RGS5: variants seen among roughly 807,000 people sequenced by gnomAD.
RGS5 encodes regulator of G protein signaling 5, also known as regulator of G-protein signalling 5.
In RGS5, 20 loss-of-function variants were observed where a neutral mutation model predicts 18.9. The ratio of observed to expected loss-of-function variants is 1.06; its 90% confidence interval spans 0.74 to 1.54. The LOEUF (loss-of-function observed/expected upper bound fraction) is 1.54. Among genes scored for constraint, RGS5 ranks in the 40% most tolerant of loss-of-function variants. RGS5 has a pLI of 0.00. For missense variants in RGS5, 201 were observed against 211.8 expected, an observed-to-expected ratio of 0.95 and a Z score of 0.32; for synonymous variants, 57 against 76.2, an observed-to-expected ratio of 0.75 and a Z score of 1.31.
intron 3 of RGS5, among the ~76,000 whole-genome samples, chr1:163,158,781 T>A (rs1657686129): frequency 6.6e-6 from 1 of 152,170 alleles, no homozygotes; most frequent in African/African-American, 2.4e-5. Flanking sequence ...TTGTCATTGA[T>A]AACATCTTAT....
Position 163,143,945 on chromosome 1 carries a change from T to C in RGS5, c.*3397A>G, listed in dbSNP as rs986885226. ...AGCTCCATCCTATTGAAATGGCTTG[T>C]GTACAGAGCACACATCAACCAAATA... On this transcript the variant is annotated 3_prime_UTR_variant, in exon 5 of 5. Transcript: ENST00000313961. The C allele has an allele frequency of 1.3e-5, 2 of 152,120 alleles. No homozygotes were observed. The highest frequency in any genetic ancestry group is 4.8e-5 in the African/African-American group (2 of 41,430). The allele number at this position is 152,120 out of a possible 1,614,324, so 9.4% of individuals were successfully genotyped here. A position where few individuals can be genotyped will look rare whatever the true frequency, so the allele number is the denominator to read the frequency against.
chr1:163,188,385 C>T (rs12143973), intron 1 of RGS5, among the ~76,000 whole-genome samples: 30,871 of 152,028 alleles, frequency 0.2, 3,463 homozygotes, highest in African/African-American at 0.3. Flanking sequence ...GGAAAAATTA[C>T]GCAGAACAAC....
chr1:163,212,956 TTTC>T (rs1271904581), intron 1 of RGS5: 2 of 152,208 alleles, frequency 1.3e-5, no homozygotes, highest in Admixed American at 1.3e-4. Context: ...TCCCTATCTT[TTTC>T]TTCTTCTCTT....
intron 2 of RGS5, among the ~76,000 whole-genome samples, chr1:163,281,596 C>T (rs1648993096): frequency 2.0e-5 from 3 of 152,154 alleles, no homozygotes; most frequent in Admixed American, 2.0e-4. Flanking sequence ...GTCAACACCT[C>T]CCACTAGATC....
At chr1:163,180,686 G>GTTTCTTTTTTTTTTTTT (rs1658782615) in intron 1 of RGS5, among the ~76,000 whole-genome samples, 1 of 61,964 alleles carries the variant, frequency 1.6e-5, no homozygotes, top group Non-Finnish European at 3.0e-5. Flanking sequence ...CCCTTACCCT[G>GTTTCTTTTTTTTTTTTT]TTTTTTTTTT....
At chr1:163,164,191 A>T (rs1260796787) in intron 2 of RGS5, among the ~76,000 whole-genome samples, 1 of 152,120 alleles carries the variant, frequency 6.6e-6, no homozygotes, top group Non-Finnish European at 1.5e-5. Context: ...TCCTGTCCTT[A>T]TTCTCAGAAT....
chr1:163,266,253 TTC>T (rs1648570054), intron 2 of RGS5, among the ~76,000 whole-genome samples: 1 of 152,136 alleles, frequency 6.6e-6, no homozygotes, highest in African/African-American at 2.4e-5. Flanking sequence ...CATTCACTCA[TTC>T]ATCAAATCCT....
rs554783517 is a variant in RGS5, at chr1:163,192,903, G to C, written c.44+9889C>G. On this transcript the variant is annotated intron_variant, in intron 1 of 4. Coordinates refer to ENST00000313961, the MANE Select transcript of RGS5 (RefSeq NM_003617.4). ...CATAAACTATCACTTAAAATAACTTGCCAAAATACAGGAAGCTATTTTTTA... is the reference window on the plus strand; with the variant it reads ...CATAAACTATCACTTAAAATAACTTCCCAAAATACAGGAAGCTATTTTTTA... 9.3e-4 allele frequency among the ~76,000 whole-genome samples: 141 copies of C among 152,202 alleles called. 1 individual carries two copies. Among genetic ancestry groups the C allele is most frequent in the Non-Finnish European group, 1.7e-3 (117 of 67,998 alleles).
chr1:163,149,588 A>G lies in RGS5; in HGVS notation c.385-2085T>C, dbSNP rs185751792. 2.1e-3 allele frequency among the ~76,000 whole-genome samples: 320 copies of G among 152,320 alleles called. 3 individuals are homozygous for G. The highest frequency in any genetic ancestry group is 6.9e-3 in the African/African-American group (288 of 41,578). Reference sequence around the variant, plus strand: ...TTTATCTGTTTAGTTATCCAGAAACAATATCATTTCATTAATTTCAAATAT... The same window carrying G: ...TTTATCTGTTTAGTTATCCAGAAACGATATCATTTCATTAATTTCAAATAT... On this transcript the variant is annotated intron_variant, in intron 4 of 4. Transcript: ENST00000313961.
chr1:163,300,418 C>T (rs949421356), intron 2 of RGS5: 8 of 152,254 alleles, frequency 5.3e-5, no homozygotes, highest in Non-Finnish European at 1.2e-4. Flanking sequence ...TAGCTTCCAT[C>T]ACTTTCTCCA....
chr1:163,260,898 A>G (rs1648415805), intron 2 of RGS5, among the ~76,000 whole-genome samples: 1 of 152,196 alleles, frequency 6.6e-6, no homozygotes, highest in African/African-American at 2.4e-5. Flanking sequence ...GTGCTCTACA[A>G]GTATCTGTTT....
intron 1 of RGS5, among the ~76,000 whole-genome samples, chr1:163,215,651 G>A (rs1220487946): frequency 3.3e-5 from 5 of 152,164 alleles, no homozygotes; most frequent in Admixed American, 3.3e-4. Context: ...ACACCAGAAT[G>A]AAAGCAAACA....
chr1:163,163,381 T>A (rs1379113396), intron 2 of RGS5, among the ~76,000 whole-genome samples: 1 of 152,120 alleles, frequency 6.6e-6, no homozygotes, highest in East Asian at 1.9e-4. Flanking sequence ...AATACAGGCA[T>A]CATAGATGGA....
chr1:163,159,823 T>C (rs1179266305), intron 3 of RGS5, among the ~76,000 whole-genome samples: 1 of 152,142 alleles, frequency 6.6e-6, no homozygotes, highest in Non-Finnish European at 1.5e-5. Context: ...TATACACATA[T>C]ATAATTTCAA....
At chr1:163,230,125 C>T (rs1647438861) in intron 2 of RGS5, among the ~76,000 whole-genome samples, 1 of 152,156 alleles carries the variant, frequency 6.6e-6, no homozygotes. Context: ...GAATTCGTGT[C>T]ATTTCTTAAT....
chr1:163,172,829 T>C (rs1271200203), intron 1 of RGS5, among the ~76,000 whole-genome samples: 2 of 152,214 alleles, frequency 1.3e-5, no homozygotes, highest in Non-Finnish European at 2.9e-5. Flanking sequence ...AATGCTGAAG[T>C]TCAAATCACT....
At chr1:163,178,191 G>C (rs911400296) in intron 1 of RGS5, among the ~76,000 whole-genome samples, 1 of 152,086 alleles carries the variant, frequency 6.6e-6, no homozygotes, top group Non-Finnish European at 1.5e-5. Context: ...CGTGCCTGTA[G>C]TCCCAGCTAC....
chr1:163,169,886 A>T (rs1440616077), intron 1 of RGS5, among the ~76,000 whole-genome samples: 1 of 152,176 alleles, frequency 6.6e-6, no homozygotes, highest in Admixed American at 6.5e-5. Context: ...GCCTTGATAA[A>T]TGAGTACTAA....
chr1:163,184,932 G>A lies in RGS5; in HGVS notation c.45-16564C>T, dbSNP rs114392856. Among the ~76,000 whole-genome samples the A allele has an allele frequency of 5.8e-4, 88 of 152,224 alleles. 2 individuals are homozygous for A. The highest frequency in any genetic ancestry group is 1.7e-3 in the African/African-American group (72 of 41,550). On this transcript the variant is annotated intron_variant, in intron 1 of 4. Transcript: ENST00000313961. ...TGGCAACTGTTATAGCAGCAAATACGAAACTAATACACCTCACTTAGCTTT... is the reference window on the plus strand; with the variant it reads ...TGGCAACTGTTATAGCAGCAAATACAAAACTAATACACCTCACTTAGCTTT...
Sources: gnomAD v4.1 joint callset for allele counts (sites outside exome capture counted in the v4.1 genomes callset) on GRCh38, gnomAD v4.1.1 for gene constraint, MANE v1.5 for transcripts, NCBI Gene and HGNC (gene_info 2026-07-23, HGNC 2026-07-21) for gene names.